PCNX1: variants seen among roughly 807,000 people sequenced by gnomAD.
PCNX1 encodes the protein pecanex 1.
Under a neutral mutation model 242.2 loss-of-function variants are expected in PCNX1, and 78 were observed. The ratio of observed to expected loss-of-function variants is 0.32; its 90% CI spans 0.27 to 0.39. The LOEUF (loss-of-function observed/expected upper bound fraction) is 0.39. Ranked by LOEUF, PCNX1 falls within the 10% of genes least tolerant of loss-of-function variation. The pLI is 1.00. For synonymous variants in PCNX1, 1,024 were observed against 1,032.9 expected (o/e 0.99, Z 0.17); for missense variants, 2,581 against 2,856.5 (o/e 0.90, Z 2.20).
chr14:71,077,007 A>G (rs1296907227), intron 28 of PCNX1, among the ~76,000 whole-genome samples: 1 of 152,198 alleles, frequency 6.6e-6, no homozygotes, highest in Non-Finnish European at 1.5e-5. Context: ...TTGATTTTCA[A>G]ATGTTAATAT....
rs1358803098 is a variant in PCNX1 at position 71,057,517 on chromosome 14, GACA to G, written c.4650_4652del (p.Asn1551del). The G allele has an allele frequency of 6.2e-7, 1 of 1,605,186 alleles. No individual in the cohort carries two copies. The highest frequency in any genetic ancestry group is 8.5e-7 in the Non-Finnish European group (1 of 1,171,952). On this transcript the variant is annotated inframe_deletion, in exon 26 of 36. Coordinates refer to ENST00000304743, the MANE Select transcript of PCNX1 (RefSeq NM_014982.3). ...AAAATCTCTTTTTATAGGATCAGAT[GACA>G]ACAATCTGAATTCCATCTTTTATGA...
At position 71,073,657 on chromosome 14, in the gene PCNX1, T is replaced by C. The variant is rs778906683; in HGVS notation, c.4965T>C (p.Ala1655=). Reference sequence around the variant, plus strand: ...TTCCTCACATGCTTTCATTTAATGCTGCATTTAGCCAGCGATGGCTAGCTT... The same window carrying C: ...TTCCTCACATGCTTTCATTTAATGCCGCATTTAGCCAGCGATGGCTAGCTT... ...GHIPHMLSFN[A]AFSQRWLAWE... Residue 1655 remains alanine (A), a synonymous_variant, in exon 27 of 36, where the codon GCT becomes GCC. Transcript: ENST00000304743. 6.2e-7 allele frequency: 1 copy of C among 1,614,004 alleles called. No individual in the cohort carries two copies. Among genetic ancestry groups the C allele is most frequent in the East Asian group, 2.2e-5 (1 of 44,884 alleles).
intron 32 of PCNX1, among the ~76,000 whole-genome samples, chr14:71,103,959 C>G (rs957190126): frequency 3.3e-5 from 5 of 152,116 alleles, no homozygotes; most frequent in African/African-American, 1.2e-4. Context: ...TATATTACCA[C>G]TATTAGAATA....
chr14:71,024,515 T>C (rs2060188122), intron 13 of PCNX1, among the ~76,000 whole-genome samples: 1 of 152,162 alleles, frequency 6.6e-6, no homozygotes, highest in Non-Finnish European at 1.5e-5. Flanking sequence ...AAAATTTTTT[T>C]TTTTATTTTT....
intron 11 of PCNX1, among the ~76,000 whole-genome samples, chr14:71,014,192 G>C (rs1333062366): frequency 6.6e-6 from 1 of 152,136 alleles, no homozygotes; most frequent in Middle Eastern, 3.2e-3. Context: ...TAAAAGTGGG[G>C]AATAATTACC....
At chr14:71,068,379 T>C (rs1446699218) in intron 26 of PCNX1, among the ~76,000 whole-genome samples, 2 of 150,484 alleles carry the variant, frequency 1.3e-5, no homozygotes, top group African/African-American at 2.4e-5. Context: ...TGTATACATA[T>C]ATGTGTGTAT....
intron 6 of PCNX1, among the ~76,000 whole-genome samples, chr14:70,986,320 C>G (rs1212039167): frequency 6.6e-6 from 1 of 152,188 alleles, no homozygotes; most frequent in African/African-American, 2.4e-5. Flanking sequence ...CATAATTCCA[C>G]TTTAACATTG....
At chr14:70,942,782 A>C (rs1011563345) in intron 1 of PCNX1, 2 of 152,202 alleles carry the variant, frequency 1.3e-5, no homozygotes, top group Non-Finnish European at 2.9e-5. Context: ...GTCATGATTG[A>C]TTACATCATT....
At chr14:71,031,492 CCAAA>C (rs1335434323) in intron 16 of PCNX1, among the ~76,000 whole-genome samples, 7 of 152,222 alleles carry the variant, frequency 4.6e-5, no homozygotes, top group East Asian at 1.9e-4. Context: ...TCCCGTCAGA[CCAAA>C]CAAAGAGGAC....
chr14:71,040,683 T>G (rs1031068030), intron 19 of PCNX1, among the ~76,000 whole-genome samples: 3 of 152,172 alleles, frequency 2.0e-5, no homozygotes, highest in African/African-American at 7.2e-5. Flanking sequence ...CTTTGTGTTA[T>G]GATACAGTTA....
intron 1 of PCNX1, among the ~76,000 whole-genome samples, chr14:70,921,373 A>G (rs1172126581): frequency 6.6e-6 from 1 of 152,116 alleles, no homozygotes; most frequent in African/African-American, 2.4e-5. Context: ...TATTTGATTT[A>G]TATATCAAGC....
intron 7 of PCNX1, among the ~76,000 whole-genome samples, chr14:70,992,681 A>G (rs1030152739): frequency 5.3e-5 from 8 of 152,230 alleles, no homozygotes; most frequent in Non-Finnish European, 7.3e-5. Context: ...TGCTAGTGAT[A>G]GCTGATAGTT....
chr14:71,000,822 G>A (rs184170250), intron 8 of PCNX1, among the ~76,000 whole-genome samples: 16 of 152,160 alleles, frequency 1.1e-4, no homozygotes, highest in Admixed American at 3.3e-4. Flanking sequence ...CACCATGCCC[G>A]GCCTCTTTGA....
chr14:70,953,589 T>C (rs985475292), intron 2 of PCNX1, among the ~76,000 whole-genome samples: 1 of 151,514 alleles, frequency 6.6e-6, no homozygotes, highest in Admixed American at 6.6e-5. Context: ...GATTATCATA[T>C]ACTCTTAAAT....
At chr14:70,995,250 GATT>G (rs2059313578) in intron 7 of PCNX1, among the ~76,000 whole-genome samples, 1 of 152,108 alleles carries the variant, frequency 6.6e-6, no homozygotes, top group Admixed American at 6.6e-5. Context: ...CATTTGATAA[GATT>G]ATTTGGTTTT....
chr14:71,002,237 A>G (rs1345334243), intron 8 of PCNX1, among the ~76,000 whole-genome samples: 3 of 152,354 alleles, frequency 2.0e-5, no homozygotes, highest in East Asian at 3.9e-4. Flanking sequence ...ACCATGAAAC[A>G]GAACGGCAAA....
intron 12 of PCNX1, among the ~76,000 whole-genome samples, chr14:71,022,562 A>G (rs1303342600): frequency 6.6e-6 from 1 of 152,146 alleles, no homozygotes; most frequent in Non-Finnish European, 1.5e-5. Flanking sequence ...GTGAAATTGT[A>G]TGGTATGCCA....
intron 27 of PCNX1, among the ~76,000 whole-genome samples, chr14:71,075,117 C>A (rs1360628018): frequency 6.6e-6 from 1 of 151,384 alleles, no homozygotes; most frequent in African/African-American, 2.4e-5. Flanking sequence ...ACGTTAACCT[C>A]CTGAGTAACT....
rs556399162 is a variant in PCNX1 at position 71,011,715 on chromosome 14, T to C, written c.2778+166T>C. On this transcript the variant is annotated intron_variant, in intron 10 of 35. Transcript: ENST00000304743. Reference sequence around the variant, plus strand: ...CTGCCCTCCAGTGGCTCTCTTTTTCTAAGTCCTTTGATAAGAAACAAAAGT... The same window carrying C: ...CTGCCCTCCAGTGGCTCTCTTTTTCCAAGTCCTTTGATAAGAAACAAAAGT... 5.7e-4 allele frequency: 336 copies of C among 585,770 alleles called. 5 individuals carry two copies. The South Asian group carries it at 7.2e-3, about 13-fold the overall frequency. 36.3% of individuals were successfully genotyped at this position (585,770 alleles called of 1,614,324 possible).
Sources: allele counts gnomAD v4.1 joint callset (sites outside exome capture counted in the v4.1 genomes callset), GRCh38; gene constraint gnomAD v4.1.1; transcripts MANE v1.5; gene names NCBI Gene and HGNC (gene_info 2026-07-23, HGNC 2026-07-21).